The following C5 variants were observed in gnomAD, a reference collection of about 807,000 sequenced individuals.
C5 encodes the protein complement C5.
A neutral mutation model predicts 218.8 loss-of-function variants in C5; 140 were observed. The ratio of observed to expected loss-of-function variants is 0.64; its 90% CI spans 0.56 to 0.74. The LOEUF is 0.74. Among genes scored for constraint, C5 ranks in the 30% least tolerant of loss-of-function variants. C5 has a pLI of 0.00. For missense variants in C5, 1,700 were observed against 1,969.6 expected (o/e 0.86, Z 2.59); for synonymous variants, 614 against 682.3 (o/e 0.90, Z 1.56).
chr9:121,053,132 C>G (rs566270461), upstream of C5, among the ~76,000 whole-genome samples: 13 of 152,138 alleles, frequency 8.5e-5, no homozygotes, highest in Non-Finnish European at 1.6e-4. Context: ...TGTTCCATGT[C>G]CAGAGGCCAG....
In C5 at chr9:120,996,250, C is replaced by G. The variant is rs972308996; in HGVS notation, c.2841G>C (p.Arg947Ser). The G allele has an allele frequency of 6.2e-7, 1 of 1,609,258 alleles. No homozygotes were observed. The highest frequency in any genetic ancestry group is 1.3e-5 in the African/African-American group (1 of 74,798). The part of the protein sequence containing the change: ...ESYSGVTLDP[R>S]GIYGTISRRK... ...AATCATTTTGCCTACCATAAATACC[C>G]CTAGGATCCAAAGTAACACCAGAAT... The change falls in exon 22 of 41, where the codon AGG (arginine) becomes AGC (serine). Residue 947 changes from arginine (R) to serine (S), a missense_variant. Physicochemically the swap from Arg to Ser is moderately radical, Grantham distance 110 (BLOSUM62 -1). Transcript: ENST00000223642.
chr9:120,953,835 G>A lies in C5; in HGVS notation c.4796C>T (p.Thr1599Ile). 6.2e-7 allele frequency: 1 copy of A among 1,613,936 alleles called. No individual in the cohort carries two copies. The change falls in exon 40 of 41, where the codon ACC (threonine) becomes ATC (isoleucine). Residue 1599 changes from threonine to isoleucine, a missense_variant. Coordinates refer to ENST00000223642, the MANE Select transcript of C5 (RefSeq NM_001735.3). Reference sequence around the variant, plus strand: ...AGTACAGGTTACCTTTTTAATGAAGGTAATCTCAGAGTCTTTCTCAGCAAC... The same window carrying A: ...AGTACAGGTTACCTTTTTAATGAAGATAATCTCAGAGTCTTTCTCAGCAAC... ...EAVAEKDSEITFIKKVTCTNA... is the reference protein window; with the variant it reads ...EAVAEKDSEIIFIKKVTCTNA...
At chr9:121,067,376 C>G in the C5 span, among the ~76,000 whole-genome samples, 38 of 151,800 alleles carry the variant, frequency 2.5e-4, 2 homozygotes, top group East Asian at 6.8e-3. Flanking sequence ...TCCTGATGAA[C>G]ATGGTGAAAC....
At chr9:121,070,119 A>G in the C5 span, among the ~76,000 whole-genome samples, 1 of 152,016 alleles carries the variant, frequency 6.6e-6, no homozygotes, top group African/African-American at 2.4e-5. Flanking sequence ...GCACTTTGAG[A>G]GGCCGAGGCA....
chr9:121,037,878 TA>T lies in C5; in HGVS notation c.492+2del. On this transcript the variant is annotated splice_donor_variant, in intron 4 of 40. Transcript: ENST00000223642. LOFTEE classifies it high-confidence loss of function. ...GTATTATTTAAATAAATAAAATACT[TA>T]CTATGAAAGTTAAGACAGTTTCTCT... 1 of 1,378,268 alleles carries T rather than the reference TA, an allele frequency of 7.3e-7. No homozygotes were observed. Among genetic ancestry groups the T allele is most frequent in the Non-Finnish European group, 1.0e-6 (1 of 990,000 alleles). 85.4% of individuals were successfully genotyped at this position (1,378,268 alleles called of 1,614,324 possible).
At chr9:121,011,055 T>C (rs2047258072) in intron 17 of C5, among the ~76,000 whole-genome samples, 1 of 152,194 alleles carries the variant, frequency 6.6e-6, no homozygotes, top group Non-Finnish European at 1.5e-5. Context: ...GAAAACTCTC[T>C]AGGACATTGG....
At chr9:121,072,826 AAAAAAAG>A in the C5 span, among the ~76,000 whole-genome samples, 1 of 151,498 alleles carries the variant, frequency 6.6e-6, no homozygotes, top group Non-Finnish European at 1.5e-5. Context: ...AAAAAAAAAA[AAAAAAAG>A]AAAAGAAAAA....
At chr9:121,053,822 T>C (rs993788355), upstream of C5, among the ~76,000 whole-genome samples, 3 of 152,060 alleles carry the variant, frequency 2.0e-5, no homozygotes, top group East Asian at 1.9e-4. Context: ...TGCAGGCGCC[T>C]AGAATTCTGA....
chr9:121,067,370 G>C, the C5 span, among the ~76,000 whole-genome samples: 1 of 151,854 alleles, frequency 6.6e-6, no homozygotes, highest in African/African-American at 2.4e-5. Flanking sequence ...AGACCATCCT[G>C]ATGAACATGG....
chr9:120,959,282 G>A (rs2046809401), intron 38 of C5, among the ~76,000 whole-genome samples: 1 of 134,400 alleles, frequency 7.4e-6, no homozygotes, highest in African/African-American at 3.4e-5. Flanking sequence ...TTTTGAGACA[G>A]AGTCTTGCTG....
chr9:121,017,647 A>G lies in C5; in HGVS notation c.1712T>C (p.Leu571Pro). Reference sequence around the variant, plus strand: ...GACTTATAATTTGTGGCTTACCTGGAGCTGGTTGCCACATTTTTCTTCAAT... The same window carrying G: ...GACTTATAATTTGTGGCTTACCTGGGGCTGGTTGCCACATTTTTCTTCAAT... Reference protein sequence around the residue: ...LNIEEKCGNQLQVHLSPDADA... With the variant: ...LNIEEKCGNQPQVHLSPDADA... Residue 571 changes from leucine to proline, a missense_variant, in exon 13 of 41, where the codon CTC (leucine) becomes CCC (proline). Leu to Pro is a moderately conservative substitution (Grantham distance 98, BLOSUM62 -3). Transcript: ENST00000223642. The G allele has an allele frequency of 6.2e-7, 1 of 1,612,674 alleles. No homozygotes were observed. Among genetic ancestry groups the G allele is most frequent in the Non-Finnish European group, 8.5e-7 (1 of 1,178,980 alleles).
intron 3 of C5, among the ~76,000 whole-genome samples, chr9:121,040,106 A>C (rs1331096215): frequency 6.6e-6 from 1 of 152,236 alleles, no homozygotes; most frequent in Non-Finnish European, 1.5e-5. Flanking sequence ...CCTTATGAGC[A>C]TGTAGAAGAG....
intron 8 of C5, 114 bp from the exon 9 acceptor site, chr9:121,025,694 T>C (rs1321869966): frequency 2.9e-6 from 3 of 1,021,634 alleles, no homozygotes; most frequent in Non-Finnish European, 4.5e-6. Flanking sequence ...GAAGAATGGT[T>C]TAGTGTCAAA....
the C5 span, chr9:121,074,612 C>G: frequency 2.8e-5 from 10 of 357,540 alleles, no homozygotes; most frequent in African/African-American, 1.3e-4. Context: ...TGCCTCAGGC[C>G]GTCCTCGGAC....
the C5 span, among the ~76,000 whole-genome samples, chr9:121,069,242 C>T: frequency 6.6e-6 from 1 of 152,120 alleles, no homozygotes; most frequent in Admixed American, 6.6e-5. Flanking sequence ...TATTTGCAAA[C>T]TATTCATATA....
intron 3 of C5, among the ~76,000 whole-genome samples, chr9:121,041,297 C>T (rs1161009681): frequency 1.7e-4 from 12 of 72,670 alleles, no homozygotes; most frequent in African/African-American, 2.2e-4. Flanking sequence ...TACATGAAGC[C>T]TTTTTTTTTT....
At chr9:121,026,837 G>A (rs975654321) in intron 8 of C5, among the ~76,000 whole-genome samples, 5 of 152,072 alleles carry the variant, frequency 3.3e-5, no homozygotes, top group Non-Finnish European at 5.9e-5. Context: ...AGGGGCAGGA[G>A]GTGACAATGG....
intron 7 of C5, among the ~76,000 whole-genome samples, chr9:121,028,706 CG>C (rs1262163545): frequency 2.0e-5 from 3 of 150,706 alleles, no homozygotes; most frequent in Non-Finnish European, 3.0e-5. Context: ...GGGTGGGGGA[CG>C]GGGAGGGATA....
the C5 span, among the ~76,000 whole-genome samples, chr9:121,073,307 T>C: frequency 5.9e-5 from 9 of 152,318 alleles, no homozygotes; most frequent in Middle Eastern, 3.4e-3. Context: ...TTTGCACAAG[T>C]TGTTCCCTTT....
Sources: gnomAD v4.1 joint callset for allele counts (sites outside exome capture counted in the v4.1 genomes callset) on GRCh38, gnomAD v4.1.1 for gene constraint, MANE v1.5 for transcripts, NCBI Gene and HGNC (gene_info 2026-07-23, HGNC 2026-07-21) for gene names.